The following PRKN variants were observed in gnomAD, a reference collection of about 807,000 sequenced individuals.
The protein encoded by PRKN is E3 ubiquitin-protein ligase parkin.
A neutral mutation model predicts 59.5 loss-of-function variants in PRKN; 56 were observed. The observed-to-expected ratio is 0.94, with a 90% confidence interval of 0.76 to 1.18. PRKN has a LOEUF of 1.18. Among genes scored for constraint, PRKN ranks in the 50% most tolerant of loss-of-function variants. PRKN has a pLI of 0.00. For missense variants in PRKN, 657 were observed against 596.4 expected (o/e 1.10, Z -1.06); for synonymous variants, 250 against 222.1 (o/e 1.13, Z -1.12).
chr6:161,472,573 G>A (rs1790848084), intron 9 of PRKN, among the ~76,000 whole-genome samples: 1 of 151,976 alleles, frequency 6.6e-6, no homozygotes, highest in South Asian at 2.1e-4. Context: ...GAAAACACAG[G>A]GAAACCCCAT....
intron 2 of PRKN, among the ~76,000 whole-genome samples, chr6:162,324,145 A>C (rs1329340725): frequency 2.6e-5 from 4 of 152,078 alleles, no homozygotes; most frequent in African/African-American, 9.7e-5. Flanking sequence ...ACATGAAAAA[A>C]TTTTAAAATA....
rs1031228450 is a variant in PRKN, at chr6:161,371,459, C to T, written c.1168-11254G>A. 2.8e-5 allele frequency among the ~76,000 whole-genome samples: 4 copies of T among 140,868 alleles called. No individual in the cohort carries two copies. Among genetic ancestry groups the T allele is most frequent in the African/African-American group, 1.1e-4 (4 of 38,020 alleles). The allele number at this position is 140,868 out of a possible 152,430, so 92.4% of individuals were successfully genotyped here. A position where few individuals can be genotyped will look rare whatever the true frequency, so the allele number is the denominator to read the frequency against. On this transcript the variant is annotated intron_variant, in intron 10 of 11. Transcript: ENST00000366898. This position sits in a 1 kb window ranked among gnomAD's most constrained non-coding sequence, Gnocchi z 5.5. ...GGATTACAGGTGTGAGCCACTGCGC[C>T]CGGCCTATTTTGTTATTTTTTTTAA... is the stretch of plus-strand genomic sequence containing the variant.
At chr6:161,833,236 C>T (rs1283676776) in intron 6 of PRKN, among the ~76,000 whole-genome samples, 1 of 151,102 alleles carries the variant, frequency 6.6e-6, no homozygotes, top group East Asian at 1.9e-4. Context: ...AGCCGTGATC[C>T]CTGGAATGGG....
rs1223208062 is a variant in PRKN at position 161,454,783 on chromosome 6, T to C, written c.1084-67906A>G. Among the ~76,000 whole-genome samples the C allele has an allele frequency of 6.6e-6, 1 of 152,114 alleles. No homozygotes were observed. The highest frequency in any genetic ancestry group is 1.5e-5 in the Non-Finnish European group (1 of 68,014). On this transcript the variant is annotated intron_variant, in intron 9 of 11. Coordinates refer to ENST00000366898, the MANE Select transcript of PRKN (RefSeq NM_004562.3). This position sits in a 1 kb window ranked among gnomAD's most constrained non-coding sequence, Gnocchi z 4.6. ...ACTTAACTTGGATTCCTGAGTGACTTTCTCTGGTCCATAACTTCATCTAGG... is the reference window on the plus strand; with the variant it reads ...ACTTAACTTGGATTCCTGAGTGACTCTCTCTGGTCCATAACTTCATCTAGG...
chr6:162,458,231 G>C (rs1790987705), intron 1 of PRKN, among the ~76,000 whole-genome samples: 1 of 132,580 alleles, frequency 7.5e-6, no homozygotes, highest in African/African-American at 2.7e-5. Flanking sequence ...ACTCCAGCCT[G>C]GGTGATAGAG....
At chr6:162,113,157 C>T (rs1408782811) in intron 4 of PRKN, among the ~76,000 whole-genome samples, 1 of 152,148 alleles carries the variant, frequency 6.6e-6, no homozygotes, top group East Asian at 1.9e-4. Context: ...TGTAACTGAT[C>T]ATTTCTATGT....
chr6:162,054,091 T>C lies in PRKN; in HGVS notation c.618A>G (p.Ala206=). 1.3e-6 allele frequency: 2 copies of C among 1,588,814 alleles called. No homozygotes were observed. Among genetic ancestry groups the C allele is most frequent in the Non-Finnish European group, 1.7e-6 (2 of 1,156,696 alleles). ...GGAATGAATGTGACCAGGTACTTAC[T>C]GCACTAGTCCCAGGGCAGTGTGGGG... ...CQSPHCPGTS[A]EFFFKCGAHP... is the part of the protein sequence containing the mutation. Residue 206 remains alanine, a splice_region_variant and synonymous_variant, in exon 5 of 12, where the codon GCA becomes GCG. Coordinates refer to ENST00000366898, the MANE Select transcript of PRKN (RefSeq NM_004562.3).
At chr6:162,265,868 T>C (rs1340970657) in intron 2 of PRKN, among the ~76,000 whole-genome samples, 1 of 152,154 alleles carries the variant, frequency 6.6e-6, no homozygotes, top group Admixed American at 6.5e-5. Flanking sequence ...TGGCATACTT[T>C]TATGGCACTG....
rs182970799 is a variant in PRKN, at chr6:162,294,359, A to G, written c.172-31594T>C. 4.2e-3 allele frequency among the ~76,000 whole-genome samples: 542 copies of G among 129,676 alleles called. 2 individuals carry two copies. The highest frequency in any genetic ancestry group is 6.6e-3 in the Non-Finnish European group (399 of 60,624). The allele number at this position is 129,676 out of a possible 152,430, so 85.1% of individuals were successfully genotyped here. ...GTGAACAGAGAGAGAGGAGAGAGAC[A>G]GAGAGAGAGAGAGAAGCAGAGACTC... On this transcript the variant is annotated intron_variant, in intron 2 of 11. Transcript: ENST00000366898.
intron 1 of PRKN, among the ~76,000 whole-genome samples, chr6:162,643,176 T>A (rs1024278591): frequency 1.3e-5 from 2 of 151,988 alleles, no homozygotes; most frequent in Non-Finnish European, 2.9e-5. Flanking sequence ...GGTGGGTGGA[T>A]CACCTGAGGT....
intron 6 of PRKN, among the ~76,000 whole-genome samples, chr6:161,861,286 A>G (rs1439169838): frequency 6.6e-6 from 1 of 152,208 alleles, no homozygotes; most frequent in Non-Finnish European, 1.5e-5. Context: ...GACATGGATG[A>G]AACTGGAAAG....
At chr6:162,414,479 G>A (rs1401178306) in intron 2 of PRKN, among the ~76,000 whole-genome samples, 3 of 151,558 alleles carry the variant, frequency 2.0e-5, no homozygotes, top group Admixed American at 6.6e-5. Context: ...AGGCCAAGGC[G>A]GCTGGATCAC....
chr6:162,636,540 A>C (rs1400808549), intron 1 of PRKN, among the ~76,000 whole-genome samples: 1 of 152,258 alleles, frequency 6.6e-6, no homozygotes, highest in Non-Finnish European at 1.5e-5. Flanking sequence ...GAACTCAGGC[A>C]AATCTATGTT....
intron 4 of PRKN, among the ~76,000 whole-genome samples, chr6:162,198,544 T>C (rs1185672562): frequency 6.6e-6 from 1 of 152,174 alleles, no homozygotes; most frequent in Non-Finnish European, 1.5e-5. Flanking sequence ...ATTTATGTTC[T>C]GGCTACTGTT....
At chr6:161,778,102 C>T (rs1019724846) in intron 7 of PRKN, among the ~76,000 whole-genome samples, 1 of 151,684 alleles carries the variant, frequency 6.6e-6, no homozygotes, top group African/African-American at 2.4e-5. Context: ...GCTATAGCTG[C>T]ATTTATGGAA....
At chr6:162,049,554 A>C (rs896232254) in intron 5 of PRKN, among the ~76,000 whole-genome samples, 4 of 152,132 alleles carry the variant, frequency 2.6e-5, no homozygotes, top group African/African-American at 9.7e-5. Flanking sequence ...GTTGGATATG[A>C]TGCTTCCTTT....
At chr6:162,177,761 G>C (rs1409664015) in intron 4 of PRKN, among the ~76,000 whole-genome samples, 1 of 152,132 alleles carries the variant, frequency 6.6e-6, no homozygotes, top group African/African-American at 2.4e-5. Flanking sequence ...AAATTAAAGA[G>C]AGTGCTTTGC....
chr6:161,438,765 T>TC (rs754206410), intron 9 of PRKN, among the ~76,000 whole-genome samples: 1 of 152,196 alleles, frequency 6.6e-6, no homozygotes, highest in Non-Finnish European at 1.5e-5. Context: ...CGGGTGATCA[T>TC]CCCGCATGTA....
In PRKN at chr6:161,694,416, T is replaced by A. The variant is rs531256351; in HGVS notation, c.871+91356A>T. Among the ~76,000 whole-genome samples, 11 of 152,272 alleles carry A rather than the reference T, an allele frequency of 7.2e-5. No homozygotes were observed. The South Asian group carries it at 2.3e-3, about 32-fold the overall frequency. ...TACAATATACATAACGTAAATACCCTTTGGGGTTTTTTTTTAAGCAATTAG... is the reference window on the plus strand; with the variant it reads ...TACAATATACATAACGTAAATACCCATTGGGGTTTTTTTTTAAGCAATTAG... On this transcript the variant is annotated intron_variant, in intron 7 of 11. Transcript: ENST00000366898.
Sources: allele counts gnomAD v4.1 joint callset (sites outside exome capture counted in the v4.1 genomes callset), GRCh38; gene constraint gnomAD v4.1.1; non-coding constraint Gnocchi (gnomAD v3.1); transcripts MANE v1.5; gene names NCBI Gene and HGNC (gene_info 2026-07-23, HGNC 2026-07-21).